KCNC4: variants seen among roughly 807,000 people sequenced by gnomAD.
The protein encoded by KCNC4 is potassium voltage-gated channel subfamily C member 4, also known as voltage-gated potassium channel KCNC4.
KCNC4 carries 23 observed loss-of-function variants against 42.8 expected under a neutral mutation model. The ratio of observed to expected loss-of-function variants is 0.54; its 90% CI spans 0.39 to 0.76. KCNC4 has a LOEUF of 0.76. Ranked by LOEUF, KCNC4 falls within the 30% of genes least tolerant of loss-of-function variation. KCNC4 has a pLI of 0.00. For synonymous variants in KCNC4, 422 were observed against 393.5 expected (o/e 1.07, Z -0.86); for missense variants, 751 against 898.2 (o/e 0.84, Z 2.10).
intron 1 of KCNC4, among the ~76,000 whole-genome samples, chr1:110,275,882 C>T (rs780650863): frequency 7.1e-6 from 1 of 140,080 alleles, no homozygotes; most frequent in Non-Finnish European, 1.5e-5. Context: ...CACTTGGACC[C>T]GGGAGGTGGA....
Position 110,223,599 on chromosome 1 carries a change from C to G in KCNC4, c.1314C>G (p.Gly438=), listed in dbSNP as rs761793237. The G allele has an allele frequency of 6.0e-5, 97 of 1,613,952 alleles. No homozygotes were observed. Among genetic ancestry groups the G allele is most frequent in the Non-Finnish European group, 6.4e-5 (75 of 1,180,044 alleles). Residue 438 remains glycine (G), a synonymous_variant, in exon 2 of 4, where the codon GGC becomes GGG. Transcript: ENST00000438661. This position sits in a 1 kb window ranked among gnomAD's most constrained non-coding sequence, Gnocchi z 7.5. ...CTGTGGTCACCATGACGACACTGGG[C>G]TACGGAGACATGTACCCCAAGACGT... The part of the protein sequence containing the change: ...WWAVVTMTTL[G]YGDMYPKTWS...
chr1:110,223,384 C>T lies in KCNC4; in HGVS notation c.1099C>T (p.Leu367=). 1 of 1,613,902 alleles carries T rather than the reference C, an allele frequency of 6.2e-7. No individual in the cohort carries two copies. The highest frequency in any genetic ancestry group is 8.5e-7 in the Non-Finnish European group (1 of 1,179,956). ...CAAGCTCACACGCCACTTCGTGGGG[C>T]TACGCGTGCTGGGCCACACCCTGAG... ...IFKLTRHFVG[L]RVLGHTLRAS... Residue 367 remains leucine (L), a synonymous_variant, in exon 2 of 4, where the codon CTA becomes TTA. Transcript: ENST00000438661. The surrounding 1 kb of genome is among the most constrained non-coding windows in gnomAD (Gnocchi z 7.5).
rs1456965352 is a variant in KCNC4, at chr1:110,223,324, C to T, written c.1039C>T (p.Arg347Cys). ...GGCCCGCGACGTGCTGGGCTTCCTG[C>T]GCGTGGTGCGCTTCGTGCGCATCCT... ...KAARDVLGFL[R>C]VVRFVRILRI... The change falls in exon 2 of 4, where the codon CGC (arginine) becomes TGC (cysteine). Residue 347 changes from arginine (R) to cysteine (C), a missense_variant. By Grantham distance (180) the Arg-to-Cys change is radical. Around this residue, in one of 4 missense-constraint regions of KCNC4, gnomAD observed 185 missense variants for 293.7 expected, o/e 0.63. Coordinates refer to ENST00000438661, the MANE Select transcript of KCNC4 (RefSeq NM_001039574.3). This position sits in a 1 kb window ranked among gnomAD's most constrained non-coding sequence, Gnocchi z 7.5. The T allele has an allele frequency of 2.5e-6, 4 of 1,613,910 alleles. No individual in the cohort carries two copies. Among genetic ancestry groups the T allele is most frequent in the Admixed American group, 1.7e-5 (1 of 59,988 alleles).
chr1:110,233,220 G>A lies in KCNC4; in HGVS notation c.*248G>A, dbSNP rs1217985739. On this transcript the variant is annotated 3_prime_UTR_variant, in exon 4 of 4. Coordinates refer to ENST00000438661, the MANE Select transcript of KCNC4 (RefSeq NM_001039574.3). ...CTATATTCATACATATTATACTCTT[G>A]TGTGTAGTGCACGTGCTATTGGTGG... 1.7e-6 allele frequency: 1 copy of A among 593,712 alleles called. No individual in the cohort carries two copies. Among genetic ancestry groups the A allele is most frequent in the Non-Finnish European group, 3.0e-6 (1 of 334,690 alleles). The allele number at this position is 593,712 out of a possible 1,614,324, so 36.8% of individuals were successfully genotyped here.
chr1:110,245,583 T>A (rs1203175574), exon 4 of KCNC4: 1 of 152,166 alleles, frequency 6.6e-6, no homozygotes, highest in Non-Finnish European at 1.5e-5. Flanking sequence ...TAAAGTCCAC[T>A]CTCTTCCAAG....
At chr1:110,267,633 C>A (rs914806876) in intron 1 of KCNC4, among the ~76,000 whole-genome samples, 2 of 152,172 alleles carry the variant, frequency 1.3e-5, no homozygotes, top group African/African-American at 4.8e-5. Context: ...TAGCAAGATG[C>A]GAACCTCTAC....
chr1:110,218,842 A>G (rs1417715436), intron 1 of KCNC4, among the ~76,000 whole-genome samples: 1 of 151,874 alleles, frequency 6.6e-6, no homozygotes, highest in African/African-American at 2.4e-5. Context: ...GCCTTTGGAG[A>G]GGGGTGAGTT....
At chr1:110,242,638 G>C (rs1659053916) in exon 4 of KCNC4, 1 of 152,262 alleles carries the variant, frequency 6.6e-6, no homozygotes, top group South Asian at 2.1e-4. Context: ...CTCTGTCGAG[G>C]ACTTGGGTGT....
chr1:110,255,672 C>T (rs779637029), intron 1 of KCNC4, among the ~76,000 whole-genome samples: 3 of 152,140 alleles, frequency 2.0e-5, no homozygotes, highest in South Asian at 2.1e-4. Flanking sequence ...CCAGGACAAC[C>T]GAACTTCCTC....
At chr1:110,273,805 G>T (rs192105730) in intron 1 of KCNC4, among the ~76,000 whole-genome samples, 2 of 152,184 alleles carry the variant, frequency 1.3e-5, no homozygotes, top group African/African-American at 4.8e-5. Flanking sequence ...AGTAGAGCAG[G>T]TAGCAAAACT....
At chr1:110,245,663 A>G (rs932637520) in exon 4 of KCNC4, 2 of 152,174 alleles carry the variant, frequency 1.3e-5, no homozygotes, top group Non-Finnish European at 2.9e-5. Context: ...CCGCTCCCAT[A>G]ACACACGCCC....
intron 3 of KCNC4, 98 bp downstream of exon 3, chr1:110,226,276 G>T (rs771352240): frequency 2.2e-4 from 218 of 987,956 alleles, no homozygotes; most frequent in Non-Finnish European, 2.1e-5. Context: ...CCCTGAGACC[G>T]TGGCCGCCAT....
chr1:110,221,237 C>A (rs1571035346), intron 1 of KCNC4: 1 of 152,346 alleles, frequency 6.6e-6, no homozygotes, highest in East Asian at 1.9e-4. Flanking sequence ...AAGGTACAGC[C>A]TTTGAAGTTA....
chr1:110,258,934 G>A (rs939649176), intron 1 of KCNC4, among the ~76,000 whole-genome samples: 2 of 152,214 alleles, frequency 1.3e-5, no homozygotes, highest in Non-Finnish European at 2.9e-5. Context: ...TCTTCTCCAC[G>A]CTGAAATCCA....
chr1:110,251,059 G>A (rs1309930848), downstream of KCNC4, among the ~76,000 whole-genome samples: 1 of 152,194 alleles, frequency 6.6e-6, no homozygotes, highest in East Asian at 1.9e-4. Context: ...TGTGGCAGTT[G>A]CTTCTACCCA....
chr1:110,280,803 T>C (rs1291730272), intron 1 of KCNC4, among the ~76,000 whole-genome samples: 1 of 152,242 alleles, frequency 6.6e-6, no homozygotes, highest in Non-Finnish European at 1.5e-5. Context: ...GTAGCAATTC[T>C]ATCTACCATC....
At position 110,212,141 on chromosome 1, in the gene KCNC4, G is replaced by T. The variant is rs1424486267; in HGVS notation, c.642G>T (p.Ala214=). The T allele has an allele frequency of 1.3e-6, 2 of 1,509,478 alleles. No individual in the cohort carries two copies. Among genetic ancestry groups the T allele is most frequent in the Middle Eastern group, 1.8e-4 (1 of 5,666 alleles). 93.5% of individuals were successfully genotyped at this position (1,509,478 alleles called of 1,614,324 possible). The change falls in exon 1 of 4, where the codon GCG becomes GCT. Residue 214 remains alanine (A), a synonymous_variant. Coordinates refer to ENST00000438661, the MANE Select transcript of KCNC4 (RefSeq NM_001039574.3). ...GCGGCTGGCAGCCCCGCATGTGGGC[G>T]CTCTTCGAGGATCCCTACTCCTCCC... ...GCRGWQPRMW[A]LFEDPYSSRA...
intron 1 of KCNC4, among the ~76,000 whole-genome samples, chr1:110,265,406 A>G (rs867072759): frequency 2.3e-4 from 22 of 97,208 alleles, no homozygotes; most frequent in Middle Eastern, 4.9e-3. Context: ...ATAAAATAAA[A>G]TAAAATAAAA....
At chr1:110,256,863 C>A (rs941295383) in intron 1 of KCNC4, 1 of 156,546 alleles carries the variant, frequency 6.4e-6, no homozygotes, top group South Asian at 1.8e-4. Flanking sequence ...TTGAAATACT[C>A]ATTTTTTGAG....
Sources: gnomAD v4.1 joint callset for allele counts (sites outside exome capture counted in the v4.1 genomes callset) on GRCh38, gnomAD v4.1.1 for gene constraint, gnomAD v4.1.1 regional missense constraint, Gnocchi (gnomAD v3.1) non-coding constraint, MANE v1.5 for transcripts, NCBI Gene and HGNC (gene_info 2026-07-23, HGNC 2026-07-21) for gene names.